ZFR2: variants seen among roughly 807,000 people sequenced by gnomAD.
ZFR2 encodes the protein zinc finger RNA binding protein 2.
ZFR2 carries 104 observed loss-of-function variants against 105.7 expected under a neutral mutation model. That is an observed-to-expected ratio of 0.98 (90% CI 0.84 to 1.16). ZFR2 has a LOEUF of 1.16. Among genes scored for constraint, ZFR2 ranks in the 50% most tolerant of loss-of-function variants. The pLI, the probability that ZFR2 is intolerant of heterozygous loss-of-function variation, is 0.00. For synonymous variants in ZFR2, 634 were observed against 597.7 expected, an observed-to-expected ratio of 1.06 and a Z score of -0.89; for missense variants, 1,425 against 1,355.5, an observed-to-expected ratio of 1.05 and a Z score of -0.80.
intron 14 of ZFR2, among the ~76,000 whole-genome samples, chr19:3,812,036 C>T (rs8109033): frequency 0.52 from 79,722 of 151,860 alleles, 21,298 homozygotes; most frequent in Middle Eastern, 0.62. Context: ...CTCCGCCTCT[C>T]GGGTTCAAGT....
At chr19:3,842,627 CTTT>C (rs35716661) in intron 1 of ZFR2, among the ~76,000 whole-genome samples, 1 of 142,070 alleles carries the variant, frequency 7.0e-6, no homozygotes, top group Non-Finnish European at 1.5e-5. Flanking sequence ...TTTCTTTTTT[CTTT>C]TTTTTTTTTT....
At chr19:3,852,638 TG>T in intron 1 of ZFR2, 1 of 717,156 alleles carries the variant, frequency 1.4e-6, no homozygotes, top group South Asian at 1.5e-5. Flanking sequence ...AAGGACATGG[TG>T]GGAAGGGCAT....
chr19:3,855,498 T>C (rs903414727), intron 1 of ZFR2: 39 of 1,205,164 alleles, frequency 3.2e-5, no homozygotes, highest in Non-Finnish European at 3.7e-5. Context: ...CCAGCTGCTG[T>C]CATGGGCGCT....
rs868113469 is a variant in ZFR2 at position 3,806,101 on chromosome 19, G to A, written c.2668C>T (p.Arg890Trp). The A allele has an allele frequency of 9.5e-6, 14 of 1,477,522 alleles. No individual in the cohort carries two copies. Among genetic ancestry groups the A allele is most frequent in the East Asian group, 2.6e-5 (1 of 38,456 alleles). 91.5% of individuals were successfully genotyped at this position (1,477,522 alleles called of 1,614,324 possible). Residue 890 changes from arginine (R) to tryptophan (W), a missense_variant, in exon 19 of 19, where the codon CGG becomes TGG. Arg to Trp is a moderately radical substitution (Grantham distance 101, BLOSUM62 -3). Transcript: ENST00000262961. ...AQHALRMLAF[R>W]QTHKVLGMDL... is the part of the protein sequence containing the mutation. Reference sequence around the variant, plus strand: ...ATGCCCAGGACCTTGTGGGTCTGCCGGAAGGCCAGCATTCGCAGGGCGTGC... The same window carrying A: ...ATGCCCAGGACCTTGTGGGTCTGCCAGAAGGCCAGCATTCGCAGGGCGTGC...
chr19:3,820,437 T>G (rs1229855989), intron 10 of ZFR2, 147 bp from the exon 11 acceptor site: 12 of 769,656 alleles, frequency 1.6e-5, no homozygotes, highest in Admixed American at 3.1e-5. Flanking sequence ...CATGGGTGCC[T>G]GCTGTATGCA....
At chr19:3,818,343 T>C (rs1337985103) in intron 12 of ZFR2, among the ~76,000 whole-genome samples, 1 of 151,932 alleles carries the variant, frequency 6.6e-6, no homozygotes, top group African/African-American at 2.4e-5. Flanking sequence ...GGTGGGCGCC[T>C]GCAGTCCCAG....
intron 1 of ZFR2, 130 bp downstream of exon 1, chr19:3,868,835 G>T: frequency 2.5e-6 from 2 of 796,854 alleles, no homozygotes; most frequent in Non-Finnish European, 3.4e-6. Flanking sequence ...GCTTCCCTCA[G>T]GCCGGGGTTC....
intron 14 of ZFR2, among the ~76,000 whole-genome samples, chr19:3,812,876 C>T (rs1368731687): frequency 3.3e-5 from 5 of 152,086 alleles, no homozygotes; most frequent in Admixed American, 6.6e-5. Flanking sequence ...GTCAGGAGTT[C>T]GAGACCAACC....
Position 3,827,345 on chromosome 19 carries a change from C to T in ZFR2, c.1035+126G>A, listed in dbSNP as rs182240843. 1.7e-4 allele frequency: 205 copies of T among 1,191,542 alleles called. 1 individual carries two copies. Among genetic ancestry groups the T allele is most frequent in the Middle Eastern group, 1.2e-3 (4 of 3,426 alleles). The allele number at this position is 1,191,542 out of a possible 1,614,324, so 73.8% of individuals were successfully genotyped here. ...GGGCCTGGGCGGCTGGCCCTTGGGGCGCGCTCCACTTGGGGAGGCTTCTCC... is the reference window on the plus strand; with the variant it reads ...GGGCCTGGGCGGCTGGCCCTTGGGGTGCGCTCCACTTGGGGAGGCTTCTCC... On this transcript the variant is annotated intron_variant, in intron 6 of 18. Coordinates refer to ENST00000262961, the MANE Select transcript of ZFR2 (RefSeq NM_015174.2).
rs1303621789 is a variant in ZFR2, at chr19:3,825,415, A to G, written c.1036-8T>C. 1 of 1,567,420 alleles carries G rather than the reference A, an allele frequency of 6.4e-7. No homozygotes were observed. The highest frequency in any genetic ancestry group is 1.2e-5 in the South Asian group (1 of 85,026). On this transcript the variant is annotated splice_region_variant and splice_polypyrimidine_tract_variant and intron_variant, in intron 6 of 18. Coordinates refer to ENST00000262961, the MANE Select transcript of ZFR2 (RefSeq NM_015174.2). ...GGCGTGCAGCTTGAAGACCTGCAAC[A>G]GACAGAGCCGGGCTCCCGCGTGAGG...
chr19:3,850,317 G>A (rs971714324), intron 1 of ZFR2, among the ~76,000 whole-genome samples: 1 of 152,090 alleles, frequency 6.6e-6, no homozygotes, highest in South Asian at 2.1e-4. Flanking sequence ...GGGTGCTGAG[G>A]GACAGAGGTT....
At chr19:3,815,045 C>T (rs569137265) in intron 13 of ZFR2, among the ~76,000 whole-genome samples, 2 of 152,262 alleles carry the variant, frequency 1.3e-5, no homozygotes, top group South Asian at 2.1e-4. Flanking sequence ...TGGTGACAGA[C>T]GCTCAGGAAG....
chr19:3,864,855 C>T (rs902515251), intron 1 of ZFR2, among the ~76,000 whole-genome samples: 1 of 152,186 alleles, frequency 6.6e-6, no homozygotes, highest in African/African-American at 2.4e-5. Context: ...TCAAGCAATT[C>T]TCCTGCCTCA....
At position 3,855,379 on chromosome 19, in the gene ZFR2, G is replaced by A. The variant is rs1288128999; in HGVS notation, c.53+13586C>T. The stretch of plus-strand genomic sequence containing the variant: ...ATTGCTTTTGCGGGTTGCACTATGA[G>A]AAATTCTGTGTGTACAAAATACCTG... On this transcript the variant is annotated intron_variant, in intron 1 of 18. Transcript: ENST00000262961. 5.3e-5 allele frequency: 65 copies of A among 1,231,736 alleles called. No homozygotes were observed. In the South Asian group the frequency reaches 2.3e-3, roughly 44 times the overall value. 76.3% of individuals were successfully genotyped at this position (1,231,736 alleles called of 1,614,324 possible). A position where few individuals can be genotyped will look rare whatever the true frequency, so the allele number is the denominator to read the frequency against.
chr19:3,834,839 C>G lies in ZFR2; in HGVS notation c.198G>C (p.Gln66His). 6.2e-7 allele frequency: 1 copy of G among 1,612,252 alleles called. No homozygotes were observed. Among genetic ancestry groups the G allele is most frequent in the Non-Finnish European group, 8.5e-7 (1 of 1,179,418 alleles). ...GGGGTCGGCTGCCGTAGGCGAAGTC[C>G]TGGCCGGAGTGGGGCTGGTATCCAC... Reference protein sequence around the residue: ...GYGGYQPHSGQDFAYGSRPQE... With the variant: ...GYGGYQPHSGHDFAYGSRPQE... Residue 66 changes from glutamine (Q) to histidine (H), a missense_variant, in exon 2 of 19, where the codon CAG becomes CAC. Transcript: ENST00000262961. This position sits in a 1 kb window ranked among gnomAD's most constrained non-coding sequence, Gnocchi z 5.3.
chr19:3,833,839 G>A (rs1370764201), intron 2 of ZFR2, 61 bp from the exon 3 acceptor site: 1 of 1,328,390 alleles, frequency 7.5e-7, no homozygotes. Context: ...CAGGCGGTGG[G>A]TGCGACGCGC....
In ZFR2 at chr19:3,809,022, C is replaced by G. The variant is rs868343283; in HGVS notation, c.2434-39G>C. 45 of 1,473,176 alleles carry G rather than the reference C, an allele frequency of 3.1e-5. No individual in the cohort carries two copies. In the African/African-American group the frequency reaches 4.7e-4, roughly 15 times the overall value. 91.3% of individuals were successfully genotyped at this position (1,473,176 alleles called of 1,614,324 possible). ...AAGAGCAGTTGCTGTGTTTTGGGCG[C>G]GCGGCAGCCCCTGCCTGCCCGGGAG... On this transcript the variant is annotated intron_variant, in intron 16 of 18. Transcript: ENST00000262961.
intron 14 of ZFR2, among the ~76,000 whole-genome samples, chr19:3,811,745 G>A (rs770024862): frequency 4.0e-5 from 6 of 151,108 alleles, no homozygotes; most frequent in African/African-American, 9.7e-5. Context: ...GTGAGCCACC[G>A]TGCCCGGTGG....
rs1333452892 is a variant in ZFR2, at chr19:3,804,832, A to C, written c.*1117T>G. 1.3e-5 allele frequency: 2 copies of C among 152,996 alleles called. No homozygotes were observed. The highest frequency in any genetic ancestry group is 6.5e-5 in the Admixed American group (1 of 15,366). 9.5% of individuals were successfully genotyped at this position (152,996 alleles called of 1,614,324 possible). On this transcript the variant is annotated 3_prime_UTR_variant, in exon 19 of 19. Coordinates refer to ENST00000262961, the MANE Select transcript of ZFR2 (RefSeq NM_015174.2). ...AACAGGGCCTGCCCACGTGATTTCAAATCCATGCCGCAGCCGCATCCAAAG... is the reference window on the plus strand; with the variant it reads ...AACAGGGCCTGCCCACGTGATTTCACATCCATGCCGCAGCCGCATCCAAAG...
Sources: allele counts gnomAD v4.1 joint callset (sites outside exome capture counted in the v4.1 genomes callset), GRCh38; gene constraint gnomAD v4.1.1; non-coding constraint Gnocchi (gnomAD v3.1); transcripts MANE v1.5; gene names NCBI Gene and HGNC (gene_info 2026-07-23, HGNC 2026-07-21).